CFAP54: variants seen among roughly 807,000 people sequenced by gnomAD.
CFAP54 encodes cilia and flagella associated protein 54, also known as cilia- and flagella-associated protein 54.
CFAP54 carries 290 observed loss-of-function variants against 370.4 expected under a neutral mutation model. The ratio of observed to expected loss-of-function variants is 0.78; its 90% CI spans 0.71 to 0.86. The LOEUF (loss-of-function observed/expected upper bound fraction) is 0.86. Among genes scored for constraint, CFAP54 ranks in the 40% least tolerant of loss-of-function variants. The pLI, the probability that CFAP54 is intolerant of heterozygous loss-of-function variation, is 0.00. For synonymous variants in CFAP54, 1,206 were observed against 1,236.5 expected (o/e 0.98, Z 0.52); for missense variants, 3,399 against 3,528.7 (o/e 0.96, Z 0.93).
chr12:96,625,814 G>A lies in CFAP54; in HGVS notation c.3976+7G>A. Reference sequence around the variant, plus strand: ...AAAGGTGCCGTGAAAGAAGGTAGGTGAACTGGATGTGTATATGCTGTTCAC... The same window carrying A: ...AAAGGTGCCGTGAAAGAAGGTAGGTAAACTGGATGTGTATATGCTGTTCAC... On this transcript the variant is annotated splice_region_variant and intron_variant, in intron 29 of 67. Coordinates refer to ENST00000524981, the MANE Select transcript of CFAP54 (RefSeq NM_001306084.2). 7.9e-6 allele frequency: 12 copies of A among 1,525,078 alleles called. No homozygotes were observed. The highest frequency in any genetic ancestry group is 1.1e-5 in the Non-Finnish European group (12 of 1,136,962). The allele number at this position is 1,525,078 out of a possible 1,614,324, so 94.5% of individuals were successfully genotyped here. A position where few individuals can be genotyped will look rare whatever the true frequency, so the allele number is the denominator to read the frequency against.
At chr12:96,563,918 A>G (rs1303274194) in intron 17 of CFAP54, among the ~76,000 whole-genome samples, 2 of 152,194 alleles carry the variant, frequency 1.3e-5, no homozygotes, top group Non-Finnish European at 2.9e-5. Flanking sequence ...CTGAACCACC[A>G]TGATGGTCAG....
chr12:96,594,328 C>T lies in CFAP54; in HGVS notation c.3398C>T (p.Ala1133Val). 2 of 1,534,734 alleles carry T rather than the reference C, an allele frequency of 1.3e-6. No individual in the cohort carries two copies. The highest frequency in any genetic ancestry group is 3.3e-4 in the Middle Eastern group (2 of 5,980). The change falls in exon 25 of 68, where the codon GCA (alanine) becomes GTA (valine). Residue 1133 changes from alanine to valine, a missense_variant. Ala to Val is a moderately conservative substitution (Grantham distance 64, BLOSUM62 0). Around this residue, in one of 3 missense-constraint regions of CFAP54, gnomAD observed 2,796 missense variants for 2,869.7 expected, o/e 0.97. Coordinates refer to ENST00000524981, the MANE Select transcript of CFAP54 (RefSeq NM_001306084.2). The part of the protein sequence containing the change: ...RLIECERVLV[A>V]LELSNFLNDS... ...ATTGAATGTGAGAGAGTATTAGTGG[C>T]ATTGGAACTTAGCAACTTCCTAAAT...
intron 27 of CFAP54, among the ~76,000 whole-genome samples, chr12:96,623,307 C>A (rs533929192): frequency 2.0e-5 from 3 of 152,036 alleles, no homozygotes; most frequent in Admixed American, 2.0e-4. Flanking sequence ...AATTGCTGAT[C>A]CCCTTAAGTT....
chr12:96,858,695 A>C (rs2136461055), intron 66 of CFAP54, among the ~76,000 whole-genome samples: 1 of 152,324 alleles, frequency 6.6e-6, no homozygotes, highest in South Asian at 2.1e-4. Flanking sequence ...ATGGAGGTGA[A>C]AGATCCCTGC....
At chr12:96,798,399 A>G (rs898959169) in intron 63 of CFAP54, among the ~76,000 whole-genome samples, 1 of 152,108 alleles carries the variant, frequency 6.6e-6, no homozygotes, top group Non-Finnish European at 1.5e-5. Context: ...TAAGGTCAGA[A>G]ATCATGTTGT....
chr12:96,619,490 C>A (rs951653395), intron 26 of CFAP54, among the ~76,000 whole-genome samples: 1 of 151,996 alleles, frequency 6.6e-6, no homozygotes, highest in African/African-American at 2.4e-5. Flanking sequence ...TTTTTTCTAA[C>A]ATGCCACTTG....
intron 28 of CFAP54, among the ~76,000 whole-genome samples, chr12:96,624,271 A>G (rs1299817441): frequency 6.6e-6 from 1 of 152,120 alleles, no homozygotes; most frequent in East Asian, 1.9e-4. Context: ...AGCACAGCAC[A>G]CCACCCCCTA....
intron 9 of CFAP54, among the ~76,000 whole-genome samples, chr12:96,532,442 C>T (rs1186762996): frequency 6.6e-6 from 1 of 152,120 alleles, no homozygotes; most frequent in African/African-American, 2.4e-5. Flanking sequence ...CTCTTCTCTT[C>T]CTAAGAAAAA....
Position 96,649,979 on chromosome 12 carries a change from A to G in CFAP54, c.4779A>G (p.Gln1593=), listed in dbSNP as rs142072997. ...AAACAGTTTATGACTCAGACTCTCAATCAGGTTCTAGTGCTAAAGAAAAGG... is the reference window on the plus strand; with the variant it reads ...AAACAGTTTATGACTCAGACTCTCAGTCAGGTTCTAGTGCTAAAGAAAAGG... ...KTQTVYDSDS[Q]SGSSAKEKDR... Residue 1593 remains glutamine (Q), a synonymous_variant, in exon 35 of 68, where the codon CAA becomes CAG. Coordinates refer to ENST00000524981, the MANE Select transcript of CFAP54 (RefSeq NM_001306084.2). The G allele has an allele frequency of 6.5e-5, 105 of 1,613,258 alleles. No homozygotes were observed. Among genetic ancestry groups the G allele is most frequent in the East Asian group, 8.9e-5 (4 of 44,860 alleles).
At position 96,555,731 on chromosome 12, in the gene CFAP54, G is replaced by A. The variant is rs116737307; in HGVS notation, c.2410+929G>A. On this transcript the variant is annotated intron_variant, in intron 17 of 67. Coordinates refer to ENST00000524981, the MANE Select transcript of CFAP54 (RefSeq NM_001306084.2). ...ATGCAAAAAATTATAAGACTTTACT[G>A]AAAAATGTTAAAGAACTATATAAAT... Among the ~76,000 whole-genome samples the A allele has an allele frequency of 4.1e-3, 619 of 151,736 alleles. 5 individuals carry two copies. The highest frequency in any genetic ancestry group is 0.015 in the African/African-American group (603 of 41,500).
At chr12:96,617,999 A>AAAAAAAAAAAT (rs1956441230) in intron 26 of CFAP54, among the ~76,000 whole-genome samples, 2 of 150,546 alleles carry the variant, frequency 1.3e-5, no homozygotes, top group Non-Finnish European at 1.5e-5. Flanking sequence ...CAAAAAAAAA[A>AAAAAAAAAAAT]GGAATATATT....
chr12:96,538,740 G>A lies in CFAP54; in HGVS notation c.1926+222G>A, dbSNP rs569942463. On this transcript the variant is annotated intron_variant, in intron 13 of 67. Transcript: ENST00000524981. The stretch of plus-strand genomic sequence containing the variant: ...TCTAATTTTGTTTGTTGTGAGGAGC[G>A]AAGAGGTGTTTCAGGCCTTTTTTTT... 57 of 490,156 alleles carry A rather than the reference G, an allele frequency of 1.2e-4. 1 individual carries two copies. Among genetic ancestry groups the A allele is most frequent in the Admixed American group, 4.4e-4 (12 of 27,416 alleles). 30.4% of individuals were successfully genotyped at this position (490,156 alleles called of 1,614,324 possible). A position where few individuals can be genotyped will look rare whatever the true frequency, so the allele number is the denominator to read the frequency against.
At position 96,743,404 on chromosome 12, in the gene CFAP54, G is replaced by T. The variant is rs141762378; in HGVS notation, c.7222G>T (p.Asp2408Tyr). The change falls in exon 53 of 68, where the codon GAT becomes TAT. Residue 2408 changes from aspartate to tyrosine, a missense_variant and splice_region_variant. Physicochemically the swap from Asp to Tyr is radical, Grantham distance 160. Coordinates refer to ENST00000524981, the MANE Select transcript of CFAP54 (RefSeq NM_001306084.2). ...QIHGIGIVKE[D>Y]DMTDCLSLIN... ...ATAACCGCATTTGTTTATTTTAGAG[G>T]ATGATATGACAGATTGCCTGAGCCT... 6.2e-7 allele frequency: 1 copy of T among 1,612,218 alleles called. No individual in the cohort carries two copies. The highest frequency in any genetic ancestry group is 8.5e-7 in the Non-Finnish European group (1 of 1,179,218).
intron 60 of CFAP54, among the ~76,000 whole-genome samples, chr12:96,775,093 A>G (rs964914649): frequency 2.0e-5 from 3 of 152,188 alleles, no homozygotes; most frequent in African/African-American, 7.2e-5. Context: ...AAAAGGAACC[A>G]TAGTCACAGT....
chr12:96,632,517 T>C (rs1174427067), intron 32 of CFAP54, among the ~76,000 whole-genome samples: 1 of 152,052 alleles, frequency 6.6e-6, no homozygotes, highest in Non-Finnish European at 1.5e-5. Flanking sequence ...ATCTATTCTA[T>C]TGTCACTGTT....
rs1449168103 is a variant in CFAP54, at chr12:96,649,953, C to A, written c.4753C>A (p.Gln1585Lys). The A allele has an allele frequency of 2.5e-6, 4 of 1,612,214 alleles. No individual in the cohort carries two copies. Among genetic ancestry groups the A allele is most frequent in the Non-Finnish European group, 2.5e-6 (3 of 1,178,820 alleles). ...IMSDENMSKT[Q>K]TVYDSDSQSG... ...GAGTGATGAAAATATGTCCAAGACACAAACAGTTTATGACTCAGACTCTCA... is the reference window on the plus strand; with the variant it reads ...GAGTGATGAAAATATGTCCAAGACAAAAACAGTTTATGACTCAGACTCTCA... The change falls in exon 35 of 68, where the codon CAA becomes AAA. Residue 1585 changes from glutamine (Q) to lysine (K), a missense_variant. By Grantham distance (53) the Gln-to-Lys change is moderately conservative (BLOSUM62 1). Transcript: ENST00000524981.
At chr12:96,610,497 C>T (rs538954406) in intron 26 of CFAP54, among the ~76,000 whole-genome samples, 1 of 152,290 alleles carries the variant, frequency 6.6e-6, no homozygotes, top group South Asian at 2.1e-4. Flanking sequence ...TGGGTGATTT[C>T]TGCATTTCCA....
rs924999315 is a variant in CFAP54 at position 96,826,363 on chromosome 12, T to A, written c.9097-2651T>A. Among the ~76,000 whole-genome samples the A allele has an allele frequency of 1.1e-3, 87 of 78,800 alleles. No homozygotes were observed. In the East Asian group the frequency reaches 0.026, roughly 23 times the overall value. 51.7% of individuals were successfully genotyped at this position (78,800 alleles called of 152,430 possible). ...CAATATATATACTTGAATATACATA[T>A]AGTTATATATATTCAATATATTGTT... On this transcript the variant is annotated intron_variant, in intron 65 of 67. Transcript: ENST00000524981.
intron 55 of CFAP54, 70 bp from the exon 56 acceptor site, chr12:96,753,673 G>A: frequency 6.9e-7 from 1 of 1,457,414 alleles, no homozygotes; most frequent in East Asian, 2.3e-5. Flanking sequence ...GAGCAGTCTG[G>A]TAACTTGGAG....
Sources: allele counts gnomAD v4.1 joint callset (sites outside exome capture counted in the v4.1 genomes callset), GRCh38; gene constraint gnomAD v4.1.1; regional missense constraint gnomAD v4.1.1; transcripts MANE v1.5; gene names NCBI Gene and HGNC (gene_info 2026-07-23, HGNC 2026-07-21).